PDE4C: variants seen among roughly 807,000 people sequenced by gnomAD.
PDE4C encodes 3',5'-cyclic-AMP phosphodiesterase 4C.
A neutral mutation model predicts 63.9 loss-of-function variants in PDE4C; 50 were observed. The observed-to-expected ratio is 0.78, with a 90% CI of 0.62 to 0.99. The LOEUF (loss-of-function observed/expected upper bound fraction) is 0.99. PDE4C is among the 50% of genes least tolerant of loss of function. PDE4C has a pLI of 0.00. For missense variants in PDE4C, 777 were observed against 899.1 expected (o/e 0.86, Z 1.74); for synonymous variants, 377 against 385.1 (o/e 0.98, Z 0.25).
chr19:18,210,723 T>C, exon 15 of PDE4C: 1 of 738,370 alleles, frequency 1.4e-6, no homozygotes, highest in Non-Finnish European at 2.0e-6. Flanking sequence ...AGAGCTCTTT[T>C]AGGCAAGTCT....
At position 18,226,455 on chromosome 19, in the gene PDE4C, G is replaced by A. The variant is rs767445551; in HGVS notation, c.-40C>T. On this transcript the variant is annotated 5_prime_UTR_variant, in exon 1 of 15. Coordinates refer to ENST00000262805, the Ensembl canonical transcript of PDE4C. ...GGAGGCTGGACCGAGCGCCGGCTGC[G>A]CGGGACCTTTTCTGGACAGCTGCGG... The A allele has an allele frequency of 1.7e-5, 23 of 1,354,454 alleles. No individual in the cohort carries two copies. In the South Asian group the frequency reaches 2.1e-4, roughly 12 times the overall value. 83.9% of individuals were successfully genotyped at this position (1,354,454 alleles called of 1,614,324 possible).
At position 18,218,506 on chromosome 19, in the gene PDE4C, A is replaced by G; in HGVS notation, c.970-8T>C. Reference sequence around the variant, plus strand: ...CTTCAGCAGGTCCCGCTCCTGGTCCATCACAGACCCTGGCTCAGGGCCTTG... The same window carrying G: ...CTTCAGCAGGTCCCGCTCCTGGTCCGTCACAGACCCTGGCTCAGGGCCTTG... On this transcript the variant is annotated splice_polypyrimidine_tract_variant and splice_region_variant and intron_variant, in intron 9 of 14. Coordinates refer to ENST00000262805, the Ensembl canonical transcript of PDE4C. 1 of 1,614,104 alleles carries G rather than the reference A, an allele frequency of 6.2e-7. No homozygotes were observed.
At position 18,211,813 on chromosome 19, in the gene PDE4C, G is replaced by A. The variant is rs368675035; in HGVS notation, c.1641C>T (p.Gly547=). The A allele has an allele frequency of 1.3e-5, 21 of 1,614,112 alleles. No individual in the cohort carries two copies. In the African/African-American group the frequency reaches 2.5e-4, roughly 19 times the overall value. Reference sequence around the variant, plus strand: ...TGTCACACATGGGACTGATGTCCAGGCCCGACTCACGCTCGCGGTCTCCCT... The same window carrying A: ...TGTCACACATGGGACTGATGTCCAGACCCGACTCACGCTCGCGGTCTCCCT... The change falls in exon 14 of 15, where the codon GGC becomes GGT. Residue 547 remains glycine (G), a synonymous_variant. Coordinates refer to ENST00000262805, the Ensembl canonical transcript of PDE4C.
At chr19:18,232,612 C>G (rs1167368896) in intron 1 of PDE4C, among the ~76,000 whole-genome samples, 1 of 151,988 alleles carries the variant, frequency 6.6e-6, no homozygotes, top group Non-Finnish European at 1.5e-5. Flanking sequence ...CCCACAACTA[C>G]CTGGGACACA....
intron 1 of PDE4C, chr19:18,248,034 A>C: frequency 5.4e-6 from 2 of 370,752 alleles, no homozygotes; most frequent in Non-Finnish European, 1.1e-5. Context: ...GGCCCCAGAC[A>C]CATGGGAGAC....
At chr19:18,221,362 T>C in intron 2 of PDE4C, 65 bp from the exon 3 acceptor site, 1 of 1,468,834 alleles carries the variant, frequency 6.8e-7, no homozygotes, top group South Asian at 1.3e-5. Flanking sequence ...CCACACCATA[T>C]GCCCTCAACT....
At chr19:18,224,827 C>T (rs1251015717) in intron 1 of PDE4C, among the ~76,000 whole-genome samples, 3 of 152,198 alleles carry the variant, frequency 2.0e-5, no homozygotes, top group Non-Finnish European at 4.4e-5. Flanking sequence ...CTGGGGTGCG[C>T]CGTGGGCGCT....
At chr19:18,254,886 A>C in the PDE4C span, among the ~76,000 whole-genome samples, 1 of 152,222 alleles carries the variant, frequency 6.6e-6, no homozygotes, top group South Asian at 2.1e-4. Context: ...CATGGCCCTG[A>C]GGTCTTCACC....
intron 1 of PDE4C, among the ~76,000 whole-genome samples, chr19:18,246,708 AC>A (rs1313344609): frequency 1.3e-5 from 2 of 152,014 alleles, no homozygotes; most frequent in Non-Finnish European, 2.9e-5. Context: ...CAGGTGGGTC[AC>A]TTAAGATCAG....
At chr19:18,228,584 C>T (rs1470283660), upstream of PDE4C, among the ~76,000 whole-genome samples, 3 of 152,158 alleles carry the variant, frequency 2.0e-5, no homozygotes, top group Non-Finnish European at 2.9e-5. Flanking sequence ...GTCCCAGGGG[C>T]GAGTCTCACA....
intron 11 of PDE4C, 77 bp downstream of exon 11, chr19:18,218,072 C>A (rs1254593778): frequency 3.7e-6 from 4 of 1,082,512 alleles, no homozygotes; most frequent in Non-Finnish European, 5.6e-6. Flanking sequence ...AGATGGGAAC[C>A]CCCTGAGATC....
intron 1 of PDE4C, among the ~76,000 whole-genome samples, chr19:18,243,590 G>C (rs113599030): frequency 0.025 from 3,877 of 152,282 alleles, 57 homozygotes; most frequent in African/African-American, 0.036. Context: ...AGAGGCAGCT[G>C]AATGTTTGGA....
intron 1 of PDE4C, among the ~76,000 whole-genome samples, chr19:18,245,803 T>C (rs982600785): frequency 2.6e-5 from 4 of 152,250 alleles, no homozygotes; most frequent in Admixed American, 2.6e-4. Flanking sequence ...TGCTGTGAGC[T>C]GAGTGTGGGA....
upstream of PDE4C, among the ~76,000 whole-genome samples, chr19:18,235,458 AC>A (rs1600099207): frequency 6.6e-6 from 1 of 152,302 alleles, no homozygotes; most frequent in East Asian, 1.9e-4. Flanking sequence ...GGCGTGAGCC[AC>A]CATGCCCAGC....
rs564992446 is a variant in PDE4C at position 18,211,748 on chromosome 19, C to T, written c.1695+11G>A. The T allele has an allele frequency of 9.3e-6, 15 of 1,614,056 alleles. No individual in the cohort carries two copies. In the East Asian group the frequency reaches 3.3e-4, roughly 36 times the overall value. On this transcript the variant is annotated intron_variant, in intron 14 of 14. Coordinates refer to ENST00000262805, the Ensembl canonical transcript of PDE4C. ...CCAGTGTCTACCGGTTCAGCCCAGT[C>T]CCCTGCCAACCTGGGACTTCTCCAC...
intron 1 of PDE4C, among the ~76,000 whole-genome samples, chr19:18,247,258 G>A (rs185525796): frequency 6.6e-6 from 1 of 152,102 alleles, no homozygotes; most frequent in Admixed American, 6.5e-5. Context: ...GCCTCAGTGG[G>A]CCCCTGTGAG....
chr19:18,240,180 T>TG (rs1302195204), intron 1 of PDE4C, among the ~76,000 whole-genome samples: 1 of 151,982 alleles, frequency 6.6e-6, no homozygotes, highest in Non-Finnish European at 1.5e-5. Context: ...CCAGGCATGG[T>TG]GGCTCATGTC....
At chr19:18,237,408 AG>A (rs1968969494), upstream of PDE4C, among the ~76,000 whole-genome samples, 1 of 152,008 alleles carries the variant, frequency 6.6e-6, no homozygotes, top group Non-Finnish European at 1.5e-5. Context: ...AACATTAGCC[AG>A]GCGTGGTGGT....
In PDE4C at chr19:18,220,220, G is replaced by A; in HGVS notation, c.706+6C>T. 6.2e-7 allele frequency: 1 copy of A among 1,610,918 alleles called. No homozygotes were observed. The highest frequency in any genetic ancestry group is 8.5e-7 in the Non-Finnish European group (1 of 1,177,238). On this transcript the variant is annotated splice_donor_region_variant and intron_variant, in intron 7 of 14. Coordinates refer to ENST00000262805, the Ensembl canonical transcript of PDE4C. The surrounding 1 kb of genome is among the most constrained non-coding windows in gnomAD (Gnocchi z 5.1). ...GTCGTCCAGGCAGTGACTCAACAAA[G>A]CTCACCCAGGAAGGTCCGGGAGATG...
Sources: gnomAD v4.1 joint callset for allele counts (sites outside exome capture counted in the v4.1 genomes callset) on GRCh38, gnomAD v4.1.1 for gene constraint, Gnocchi (gnomAD v3.1) non-coding constraint, MANE v1.5 for transcripts, NCBI Gene and HGNC (gene_info 2026-07-23, HGNC 2026-07-21) for gene names.